The following TRMU variants were observed in gnomAD, a reference collection of about 807,000 sequenced individuals.
TRMU encodes the protein tRNA mitochondrial 2-thiouridylase, also known as mitochondrial tRNA-specific 2-thiouridylase 1.
Under a neutral mutation model 46.9 loss-of-function variants are expected in TRMU, and 49 were observed. That is an observed-to-expected ratio of 1.05 (90% confidence interval 0.83 to 1.33). The LOEUF (loss-of-function observed/expected upper bound fraction) is 1.33, where lower values mean the gene tolerates loss of function less well. Ranked by LOEUF, TRMU falls within the 40% of genes most tolerant of loss-of-function variation. TRMU has a pLI of 0.00. For synonymous variants in TRMU, 241 were observed against 200.9 expected, an observed-to-expected ratio of 1.20 and a Z score of -1.69; for missense variants, 572 against 532.4, an observed-to-expected ratio of 1.07 and a Z score of -0.73.
rs943990255 is a variant in TRMU, at chr22:46,350,836, C to T, written c.651+373C>T. 1.3e-5 allele frequency among the ~76,000 whole-genome samples: 2 copies of T among 152,210 alleles called. No homozygotes were observed. Among genetic ancestry groups the T allele is most frequent in the African/African-American group, 4.8e-5 (2 of 41,444 alleles). On this transcript the variant is annotated intron_variant, in intron 5 of 10. Coordinates refer to ENST00000645190, the MANE Select transcript of TRMU (RefSeq NM_018006.5). The surrounding 1 kb of genome is among the most constrained non-coding windows in gnomAD (Gnocchi z 4.6). ...CAGGTGCTGTGCCGCCGTCTGCACA[C>T]TCATGTGCCCTGTCACCCGCTTGCC...
chr22:46,346,400 T>G (rs1372388110), intron 3 of TRMU, 22 bp from the exon 4 acceptor site: 2 of 1,609,500 alleles, frequency 1.2e-6, no homozygotes, highest in South Asian at 1.1e-5. Flanking sequence ...AACCTGATCC[T>G]TGTGTTCTAA....
In TRMU at chr22:46,336,488, G is replaced by A. The variant is rs1235756008; in HGVS notation, c.82+642G>A. 1 of 152,332 alleles carries A rather than the reference G, an allele frequency of 6.6e-6. No homozygotes were observed. The highest frequency in any genetic ancestry group is 1.5e-5 in the Non-Finnish European group (1 of 68,124). 9.4% of individuals were successfully genotyped at this position (152,332 alleles called of 1,614,324 possible). On this transcript the variant is annotated intron_variant, in intron 1 of 10. Coordinates refer to ENST00000645190, the MANE Select transcript of TRMU (RefSeq NM_018006.5). This position sits in a 1 kb window ranked among gnomAD's most constrained non-coding sequence, Gnocchi z 4.1. ...TTCACCTGTGTGGCTCCCCGCGGGAGGCCTCATTCACAGAGTCACGTTTGT... is the reference window on the plus strand; with the variant it reads ...TTCACCTGTGTGGCTCCCCGCGGGAAGCCTCATTCACAGAGTCACGTTTGT...
rs1040220735 is a variant in TRMU, at chr22:46,355,547, T to C, written c.977T>C (p.Met326Thr). The C allele has an allele frequency of 1.2e-6, 2 of 1,613,236 alleles. No homozygotes were observed. Among genetic ancestry groups the C allele is most frequent in the Non-Finnish European group, 8.5e-7 (1 of 1,180,002 alleles). ...CCCGCAGCACTGGTCCGGGACAAGA[T>C]GATGGAGTGCCACTTCCGATTCCGC... Reference protein sequence around the residue: ...EPPAALVRDKMMECHFRFRHQ... With the variant: ...EPPAALVRDKTMECHFRFRHQ... The change falls in exon 9 of 11, where the codon ATG becomes ACG. Residue 326 changes from methionine to threonine, a missense_variant. Transcript: ENST00000645190.
Position 46,356,885 on chromosome 22 carries a change from A to G in TRMU, c.1145A>G (p.Lys382Arg), listed in dbSNP as rs2078628209. The G allele has an allele frequency of 6.2e-7, 1 of 1,613,400 alleles. No individual in the cohort carries two copies. Among genetic ancestry groups the G allele is most frequent in the Admixed American group, 1.7e-5 (1 of 60,014 alleles). Reference sequence around the variant, plus strand: ...GGGGACGAGTGCCTGGGCAGCGGGAAGATCCTGCGGCTGGGGCCGTCTGCC... The same window carrying G: ...GGGGACGAGTGCCTGGGCAGCGGGAGGATCCTGCGGCTGGGGCCGTCTGCC... ...YKGDECLGSG[K>R]ILRLGPSAYT... is the part of the protein sequence containing the mutation. The change falls in exon 11 of 11, where the codon AAG becomes AGG. Residue 382 changes from lysine to arginine, a missense_variant. By Grantham distance (26) the Lys-to-Arg change is conservative. Coordinates refer to ENST00000645190, the MANE Select transcript of TRMU (RefSeq NM_018006.5).
At chr22:46,352,225 G>A (rs2078451755) in intron 6 of TRMU, 39 bp from the exon 7 acceptor site, 7 of 1,613,936 alleles carry the variant, frequency 4.3e-6, no homozygotes, top group Middle Eastern at 3.3e-4. Flanking sequence ...TCTGCCCTGG[G>A]CCTAGATCTC....
chr22:46,337,685 C>A, intron 1 of TRMU, 94 bp from the exon 2 acceptor site: 2 of 1,514,628 alleles, frequency 1.3e-6, no homozygotes, highest in South Asian at 1.2e-5. Context: ...CACAGGAGCA[C>A]AGCGTGTGGG....
intron 9 of TRMU, 145 bp from the exon 10 acceptor site, chr22:46,355,845 C>A: frequency 9.5e-7 from 1 of 1,051,060 alleles, no homozygotes; most frequent in Non-Finnish European, 1.4e-6. Context: ...TGTCCTGCTG[C>A]GTCCAGGGCC....
intron 2 of TRMU, 128 bp from the exon 3 acceptor site, chr22:46,343,134 T>G: frequency 1.4e-6 from 1 of 719,494 alleles, no homozygotes; most frequent in Non-Finnish European, 2.3e-6. Context: ...CGTTCTCCTG[T>G]TTTGCAGAAA....
rs190038823 is a variant in TRMU, at chr22:46,351,890, C to T, written c.652-231C>T. On this transcript the variant is annotated intron_variant, in intron 5 of 10. Transcript: ENST00000645190. This position sits in a 1 kb window ranked among gnomAD's most constrained non-coding sequence, Gnocchi z 6.4. ...GGGCAGCTGGTGTGAGGGTCTCCCG[C>T]GCAGGGTCAGACCCCGCGGGCCGAG... 3.0e-5 allele frequency: 19 copies of T among 638,946 alleles called. No individual in the cohort carries two copies. Among genetic ancestry groups the T allele is most frequent in the Middle Eastern group, 4.4e-4 (1 of 2,282 alleles). 39.6% of individuals were successfully genotyped at this position (638,946 alleles called of 1,614,324 possible). A position where few individuals can be genotyped will look rare whatever the true frequency, so the allele number is the denominator to read the frequency against.
rs2078625859 is a variant in TRMU at position 46,356,836 on chromosome 22, C to G, written c.1102-6C>G. 1.2e-6 allele frequency: 2 copies of G among 1,612,988 alleles called. No homozygotes were observed. The highest frequency in any genetic ancestry group is 2.7e-5 in the African/African-American group (2 of 74,932). On this transcript the variant is annotated splice_region_variant and splice_polypyrimidine_tract_variant and intron_variant, in intron 10 of 10. Coordinates refer to ENST00000645190, the MANE Select transcript of TRMU (RefSeq NM_018006.5). ...CACCCCTGATGCCAGGGTCTCTCCCCTACAGTTTGCTGTGTTCTACAAGGG... is the reference window on the plus strand; with the variant it reads ...CACCCCTGATGCCAGGGTCTCTCCCGTACAGTTTGCTGTGTTCTACAAGGG...
rs2078598365 is a variant in TRMU, at chr22:46,356,074, T to C, written c.1101+2T>C. The C allele has an allele frequency of 6.2e-7, 1 of 1,613,614 alleles. No individual in the cohort carries two copies. Among genetic ancestry groups the C allele is most frequent in the South Asian group, 1.1e-5 (1 of 91,084 alleles). Reference sequence around the variant, plus strand: ...GTGCGTGCCCTTGCCACAGGACAGGTGCGTGGGGTGTGGGGGTGAGCCCGG... The same window carrying C: ...GTGCGTGCCCTTGCCACAGGACAGGCGCGTGGGGTGTGGGGGTGAGCCCGG... On this transcript the variant is annotated splice_donor_variant, in intron 10 of 10. Coordinates refer to ENST00000645190, the MANE Select transcript of TRMU (RefSeq NM_018006.5). LOFTEE classifies it high-confidence loss of function.
intron 8 of TRMU, 147 bp from the exon 9 acceptor site, chr22:46,355,297 T>C (rs1204435377): frequency 7.9e-7 from 1 of 1,272,898 alleles, no homozygotes; most frequent in East Asian, 2.5e-5. Flanking sequence ...GAGATGAATT[T>C]CTGTGGGTAG....
intron 4 of TRMU, among the ~76,000 whole-genome samples, chr22:46,346,767 G>A (rs2078269926): frequency 6.6e-6 from 1 of 152,224 alleles, no homozygotes; most frequent in South Asian, 2.1e-4. Flanking sequence ...CCATGGTGAG[G>A]GCTGGTGGAA....
chr22:46,356,814 C>T (rs765117729), intron 10 of TRMU, 28 bp from the exon 11 acceptor site: 34 of 1,611,594 alleles, frequency 2.1e-5, no homozygotes, highest in Non-Finnish European at 4.2e-6. Context: ...CCTGTGGCAC[C>T]CCTGATGCCA....
At chr22:46,356,705 G>A in intron 10 of TRMU, 137 bp from the exon 11 acceptor site, 1 of 1,055,958 alleles carries the variant, frequency 9.5e-7, no homozygotes, top group Admixed American at 2.1e-5. Flanking sequence ...AGCAGCAGCA[G>A]CAAAACCCTG....
At chr22:46,341,730 G>A (rs2078128145) in intron 2 of TRMU, among the ~76,000 whole-genome samples, 1 of 152,140 alleles carries the variant, frequency 6.6e-6, no homozygotes, top group African/African-American at 2.4e-5. Context: ...AAGTTTTGCT[G>A]GTATCATGGC....
rs2078396553 is a variant in TRMU at position 46,350,788 on chromosome 22, C to T, written c.651+325C>T. Among the ~76,000 whole-genome samples the T allele has an allele frequency of 6.6e-6, 1 of 152,184 alleles. No individual in the cohort carries two copies. On this transcript the variant is annotated intron_variant, in intron 5 of 10. Coordinates refer to ENST00000645190, the MANE Select transcript of TRMU (RefSeq NM_018006.5). The surrounding 1 kb of genome is among the most constrained non-coding windows in gnomAD (Gnocchi z 4.6). ...CAGGTGAGTGCCAGGCAGTGTGATG[C>T]AGCCCCGAGACCCCTGGAGGGGCAG... is the stretch of plus-strand genomic sequence containing the variant.
chr22:46,353,830 T>G lies in TRMU; in HGVS notation c.836T>G (p.Val279Gly). Residue 279 changes from valine (V) to glycine (G), a missense_variant, in exon 8 of 11, where the codon GTG becomes GGG. Val to Gly is a moderately radical substitution (Grantham distance 109, BLOSUM62 -3). Coordinates refer to ENST00000645190, the MANE Select transcript of TRMU (RefSeq NM_018006.5). Reference sequence around the variant, plus strand: ...GGTGGCCTGAGAGAGCCCTGGTACGTGGTGGAGAAGGACAGCGTCAAGGGT... The same window carrying G: ...GGTGGCCTGAGAGAGCCCTGGTACGGGGTGGAGAAGGACAGCGTCAAGGGT... ...NIGGLREPWY[V>G]VEKDSVKGDV... 6.2e-7 allele frequency: 1 copy of G among 1,613,784 alleles called. No individual in the cohort carries two copies. The highest frequency in any genetic ancestry group is 1.1e-5 in the South Asian group (1 of 91,060).
chr22:46,353,991 T>C (rs781288674), intron 8 of TRMU, 124 bp downstream of exon 8: 54 of 849,494 alleles, frequency 6.4e-5, no homozygotes, highest in Non-Finnish European at 9.4e-5. Context: ...ACTAACTCTG[T>C]TCCTGTCCTT....
Sources: gnomAD v4.1 joint callset for allele counts (sites outside exome capture counted in the v4.1 genomes callset) on GRCh38, gnomAD v4.1.1 for gene constraint, Gnocchi (gnomAD v3.1) non-coding constraint, MANE v1.5 for transcripts, NCBI Gene and HGNC (gene_info 2026-07-23, HGNC 2026-07-21) for gene names.